EXOC7: variants seen among roughly 807,000 people sequenced by gnomAD.
EXOC7 encodes the protein exocyst complex component Exo70.
A neutral mutation model predicts 87.6 loss-of-function variants in EXOC7; 51 were observed. The ratio of observed to expected loss-of-function variants is 0.58; its 90% CI spans 0.46 to 0.73. The LOEUF is 0.73. EXOC7 is among the 30% of genes least tolerant of loss of function. EXOC7 has a pLI of 0.00. For missense variants in EXOC7, 744 were observed against 888.4 expected (o/e 0.84, Z 2.07); for synonymous variants, 327 against 357.1 (o/e 0.92, Z 0.95).
Position 76,101,735 on chromosome 17 carries a change from G to C in EXOC7, c.255C>G (p.Asp85Glu). 1 of 1,614,076 alleles carries C rather than the reference G, an allele frequency of 6.2e-7. No individual in the cohort carries two copies. Residue 85 changes from aspartate to glutamate, a missense_variant, in exon 3 of 19, where the codon GAC becomes GAG. Transcript: ENST00000589210. Reference sequence around the variant, plus strand: ...CCACATGGTAGTAGCTGATGACATGGTCCAGGCAGGACAGCGTCTTCTCAA... The same window carrying C: ...CCACATGGTAGTAGCTGATGACATGCTCCAGGCAGGACAGCGTCTTCTCAA... ...ENVEKTLSCL[D>E]HVISYYHVAS...
Position 76,089,190 on chromosome 17 carries a change from G to T in EXOC7, c.1032C>A (p.Phe344Leu). Residue 344 changes from phenylalanine (F) to leucine (L), a missense_variant, in exon 8 of 19, where the codon TTC becomes TTA. Physicochemically the swap from Phe to Leu is conservative, Grantham distance 22 (BLOSUM62 0). Coordinates refer to ENST00000589210, the MANE Select transcript of EXOC7 (RefSeq NM_001013839.4). Reference protein sequence around the residue: ...IIPEHHQKKTFDSLIQDALDG... With the variant: ...IIPEHHQKKTLDSLIQDALDG... ...GGGGCGGGACCTGTATCAGGGAGTCGAAGGTCTTCTTCTGGTGGTGCTCGG... is the reference window on the plus strand; with the variant it reads ...GGGGCGGGACCTGTATCAGGGAGTCTAAGGTCTTCTTCTGGTGGTGCTCGG... 1 of 1,613,648 alleles carries T rather than the reference G, an allele frequency of 6.2e-7. No homozygotes were observed. Among genetic ancestry groups the T allele is most frequent in the Non-Finnish European group, 8.5e-7 (1 of 1,179,998 alleles).
At chr17:76,089,546 C>G in intron 7 of EXOC7, 2 of 584,802 alleles carry the variant, frequency 3.4e-6, no homozygotes, top group Non-Finnish European at 6.1e-6. Flanking sequence ...ATTCTCGGCT[C>G]TGCGCAGACA....
chr17:76,103,334 C>T (rs2068168100), intron 2 of EXOC7, 27 bp downstream of exon 2: 1 of 1,566,930 alleles, frequency 6.4e-7, no homozygotes, highest in Admixed American at 1.9e-5. Flanking sequence ...GAGGCCTGCC[C>T]TCTCCCCCAG....
rs753659917 is a variant in EXOC7 at position 76,081,063 on chromosome 17, G to C, written c.*2585C>G. ...ATTTTTACAATGAAAGCTCATCTAT[G>C]AATCTGATAAAGGCCTTCCTTCAAC... On this transcript the variant is annotated 3_prime_UTR_variant, in exon 19 of 19. Transcript: ENST00000589210. 9 of 565,114 alleles carry C rather than the reference G, an allele frequency of 1.6e-5. No individual in the cohort carries two copies. Among genetic ancestry groups the C allele is most frequent in the Non-Finnish European group, 2.9e-5 (9 of 315,788 alleles). 35.0% of individuals were successfully genotyped at this position (565,114 alleles called of 1,614,324 possible). A position where few individuals can be genotyped will look rare whatever the true frequency, so the allele number is the denominator to read the frequency against.
In EXOC7 at chr17:76,084,510, A is replaced by T. The variant is rs1359348001; in HGVS notation, c.1776+7T>A. 6.2e-7 allele frequency: 1 copy of T among 1,613,790 alleles called. No individual in the cohort carries two copies. The highest frequency in any genetic ancestry group is 1.3e-5 in the African/African-American group (1 of 75,058). ...ACACCCCTTCCCAGCCCAGGTCTTG[A>T]GCCCACCTTGACTCCCGGCTGGAAC... On this transcript the variant is annotated splice_region_variant and intron_variant, in intron 16 of 18. Transcript: ENST00000589210.
intron 4 of EXOC7, among the ~76,000 whole-genome samples, chr17:76,099,612 A>G (rs1360501565): frequency 6.6e-6 from 1 of 152,258 alleles, no homozygotes; most frequent in African/African-American, 2.4e-5. Flanking sequence ...TACATGCTAT[A>G]GCATGGATTG....
At chr17:76,093,418 C>CG (rs1339445537) in intron 6 of EXOC7, 1 of 152,724 alleles carries the variant, frequency 6.5e-6, no homozygotes, top group African/African-American at 2.4e-5. Context: ...TGCAGGGGAG[C>CG]GGGTGCTCTT....
intron 7 of EXOC7, chr17:76,090,595 T>C: frequency 2.0e-6 from 2 of 992,100 alleles, no homozygotes; most frequent in Admixed American, 2.4e-5. Context: ...CAAGCCTGAC[T>C]TCAGTGAGCA....
At chr17:76,093,908 T>C (rs1189526255) in intron 6 of EXOC7, 1 of 152,864 alleles carries the variant, frequency 6.5e-6, no homozygotes, top group African/African-American at 2.4e-5. Flanking sequence ...CCAGTTTAAG[T>C]TCTTCCGAGA....
Position 76,097,880 on chromosome 17 carries a change from C to T in EXOC7, c.556G>A (p.Val186Met), listed in dbSNP as rs150626999. 18 of 1,614,040 alleles carry T rather than the reference C, an allele frequency of 1.1e-5. No homozygotes were observed. The highest frequency in any genetic ancestry group is 1.7e-5 in the Admixed American group (1 of 59,986). The stretch of plus-strand genomic sequence containing the variant: ...CTCTCGGGCAGGTGCTCCAGGGTCA[C>T]GTCCTCCTGGGCCTCCAGATCATCG... Reference protein sequence around the residue: ...GDDDLEAQEDVTLEHLPESVL... With the variant: ...GDDDLEAQEDMTLEHLPESVL... The change falls in exon 5 of 19, where the codon GTG becomes ATG. Residue 186 changes from valine (V) to methionine (M), a missense_variant. Around this residue, in one of 3 missense-constraint regions of EXOC7, gnomAD observed 512 missense variants for 573.0 expected, o/e 0.89. Transcript: ENST00000589210.
At chr17:76,086,970 A>G (rs2067240192) in intron 12 of EXOC7, 12 of 1,350,630 alleles carry the variant, frequency 8.9e-6, no homozygotes, top group Non-Finnish European at 1.1e-5. Context: ...AGTGCAAAAA[A>G]CAGGTTAGAA....
intron 6 of EXOC7, 90 bp downstream of exon 6, chr17:76,094,324 C>T (rs755643188): frequency 7.1e-7 from 1 of 1,409,220 alleles, no homozygotes; most frequent in Non-Finnish European, 9.6e-7. Flanking sequence ...TCTGGAGGGG[C>T]CTGACGCTGC....
At chr17:76,094,242 G>C (rs931746346) in intron 6 of EXOC7, 172 bp downstream of exon 6, 19 of 618,102 alleles carry the variant, frequency 3.1e-5, no homozygotes, top group Admixed American at 1.7e-4. Flanking sequence ...GCTCTTGGGG[G>C]GCTTCACTGG....
intron 10 of EXOC7, 47 bp from the exon 11 acceptor site, chr17:76,088,169 C>T: frequency 6.3e-7 from 1 of 1,591,744 alleles, no homozygotes; most frequent in East Asian, 2.2e-5. Context: ...CCCAGCCCAC[C>T]CCATGCCCCA....
intron 6 of EXOC7, chr17:76,091,480 A>G (rs542872756): frequency 1.9e-6 from 1 of 519,636 alleles, no homozygotes; most frequent in African/African-American, 1.9e-5. Context: ...CATTTCTGAA[A>G]GGACAGAGGG....
chr17:76,088,746 T>G (rs2067329836), intron 9 of EXOC7, 25 bp downstream of exon 9: 1 of 1,612,252 alleles, frequency 6.2e-7, no homozygotes, highest in South Asian at 1.1e-5. Flanking sequence ...CTGGCTGTGT[T>G]TTTGAGGGCC....
intron 9 of EXOC7, 31 bp downstream of exon 9, chr17:76,088,740 C>A: frequency 6.2e-7 from 1 of 1,612,252 alleles, no homozygotes; most frequent in Non-Finnish European, 8.5e-7. Context: ...TGCCTCCTGG[C>A]TGTGTTTTTG....
In EXOC7 at chr17:76,089,037, G is replaced by A. The variant is rs1023815968; in HGVS notation, c.1048-114C>T. ...GCCAGTGTGCAGGAAGAGGGGTGAC[G>A]GGGAGGTGGTGAGCGTCCACCCAGG... On this transcript the variant is annotated intron_variant, in intron 8 of 18. Transcript: ENST00000589210. 1.4e-5 allele frequency: 21 copies of A among 1,472,630 alleles called. No individual in the cohort carries two copies. The Admixed American group carries it at 2.0e-4, about 14-fold the overall frequency. The allele number at this position is 1,472,630 out of a possible 1,614,324, so 91.2% of individuals were successfully genotyped here.
Position 76,088,489 on chromosome 17 carries a change from A to G in EXOC7, c.1274T>C (p.Leu425Pro), listed in dbSNP as rs748776025. Residue 425 changes from leucine to proline, a missense_variant, in exon 10 of 19, where the codon CTG (leucine) becomes CCG (proline). Leu to Pro is a moderately conservative substitution (Grantham distance 98). Around this residue, in one of 3 missense-constraint regions of EXOC7, gnomAD observed 512 missense variants for 573.0 expected, o/e 0.89. Coordinates refer to ENST00000589210, the MANE Select transcript of EXOC7 (RefSeq NM_001013839.4). Reference protein sequence around the residue: ...TSMETIGAKALEDFADNIKND... With the variant: ...TSMETIGAKAPEDFADNIKND... The stretch of plus-strand genomic sequence containing the variant: ...CTTGATGTTGTCTGCGAAGTCCTCC[A>G]GCGCTTTGGCACCGATGGTCTCCAT... The G allele has an allele frequency of 3.1e-6, 5 of 1,613,950 alleles. No homozygotes were observed. Among genetic ancestry groups the G allele is most frequent in the Non-Finnish European group, 4.2e-6 (5 of 1,179,996 alleles).
Sources: allele counts gnomAD v4.1 joint callset (sites outside exome capture counted in the v4.1 genomes callset), GRCh38; gene constraint gnomAD v4.1.1; regional missense constraint gnomAD v4.1.1; transcripts MANE v1.5; gene names NCBI Gene and HGNC (gene_info 2026-07-23, HGNC 2026-07-21).